The following LFNG variants were observed in gnomAD, a reference collection of about 807,000 sequenced individuals.
The protein encoded by LFNG is beta-1,3-N-acetylglucosaminyltransferase lunatic fringe.
LFNG carries 15 observed loss-of-function variants against 32.7 expected under a neutral mutation model. The observed-to-expected ratio is 0.46, with a 90% CI of 0.31 to 0.71. The LOEUF is 0.71. Ranked by LOEUF, LFNG falls within the 30% of genes least tolerant of loss-of-function variation. The pLI is 0.06. For synonymous variants in LFNG, 274 were observed against 246.8 expected, an observed-to-expected ratio of 1.11 and a Z score of -1.03; for missense variants, 520 against 545.7, an observed-to-expected ratio of 0.95 and a Z score of 0.47.
At chr7:2,525,161 C>T (rs1389072914) in intron 2 of LFNG, 58 bp from the exon 3 acceptor site, 1 of 1,475,660 alleles carries the variant, frequency 6.8e-7, no homozygotes, top group Non-Finnish European at 9.4e-7. Flanking sequence ...GTCCCCCAGG[C>T]CAGGCCCCTC....
chr7:2,514,567 CATCT>C (rs1262431673), upstream of LFNG, among the ~76,000 whole-genome samples: 153 of 151,736 alleles, frequency 1.0e-3, no homozygotes, highest in African/African-American at 3.5e-3. Context: ...TCCATCCATC[CATCT>C]ATCCATCCAT....
At chr7:2,519,588 G>A (rs1654102035), upstream of LFNG, among the ~76,000 whole-genome samples, 1 of 150,420 alleles carries the variant, frequency 6.6e-6, no homozygotes, top group African/African-American at 2.4e-5. Context: ...GTGCACGTGC[G>A]CGCCGGGGGC....
rs1002547136 is a variant in LFNG, at chr7:2,519,824, G to T, written c.-38G>T. 29 of 1,059,762 alleles carry T rather than the reference G, an allele frequency of 2.7e-5. No homozygotes were observed. In the African/African-American group the frequency reaches 4.6e-4, roughly 17 times the overall value. 65.6% of individuals were successfully genotyped at this position (1,059,762 alleles called of 1,614,324 possible). ...GGCTTCGGGTCGGTGCAAGGCAGGC[G>T]CACGGGGAAGGGCGCGCCGCGCGGC... is the stretch of plus-strand genomic sequence containing the variant. On this transcript the variant is annotated 5_prime_UTR_variant, in exon 1 of 8. Transcript: ENST00000222725.
At chr7:2,529,027 C>T, downstream of LFNG, 1 of 436,968 alleles carries the variant, frequency 2.3e-6, no homozygotes. The surrounding 1 kb of genome is among the most constrained non-coding windows in gnomAD (Gnocchi z 4.2). Flanking sequence ...GATGTGGCCC[C>T]AGGCCCCGAC....
chr7:2,515,043 CATCT>C (rs1779591016), upstream of LFNG, among the ~76,000 whole-genome samples: 1 of 60,102 alleles, frequency 1.7e-5, no homozygotes, highest in Non-Finnish European at 3.0e-5. Context: ...TCCATCCATC[CATCT>C]GTCCATCCAT....
At chr7:2,518,607 A>G, upstream of LFNG, 2 of 1,610,580 alleles carry the variant, frequency 1.2e-6, no homozygotes, top group Non-Finnish European at 1.7e-6. Flanking sequence ...AGGTAAGGAG[A>G]GGGGCTCCAA....
At chr7:2,518,521 C>T (rs1479711837), upstream of LFNG, 1 of 1,067,734 alleles carries the variant, frequency 9.4e-7, no homozygotes, top group East Asian at 2.4e-5. Context: ...TTTCAGAGCA[C>T]CTACTATGTC....
intron 1 of LFNG, chr7:2,512,729 A>T: frequency 6.2e-7 from 1 of 1,610,052 alleles, no homozygotes; most frequent in Non-Finnish European, 8.5e-7. Context: ...TTTTCCTCCT[A>T]GAATGCCACT....
chr7:2,528,495 G>A, downstream of LFNG: 1 of 899,770 alleles, frequency 1.1e-6, no homozygotes, highest in Non-Finnish European at 1.3e-6. Context: ...GTCAGGAGAG[G>A]CACACAGGTG....
At position 2,519,810 on chromosome 7, in the gene LFNG, G is replaced by T; in HGVS notation, c.-52G>T. 9 of 1,013,908 alleles carry T rather than the reference G, an allele frequency of 8.9e-6. No homozygotes were observed. The highest frequency in any genetic ancestry group is 1.1e-5 in the Non-Finnish European group (9 of 843,140). The allele number at this position is 1,013,908 out of a possible 1,614,324, so 62.8% of individuals were successfully genotyped here. ...CCGCCGGAGCGACGGGCTTCGGGTC[G>T]GTGCAAGGCAGGCGCACGGGGAAGG... On this transcript the variant is annotated 5_prime_UTR_variant, in exon 1 of 8. Coordinates refer to ENST00000222725, the MANE Select transcript of LFNG (RefSeq NM_001040167.2).
chr7:2,527,023 C>G lies in LFNG; in HGVS notation c.1073+102C>G, dbSNP rs774599173. On this transcript the variant is annotated intron_variant, in intron 7 of 7. Coordinates refer to ENST00000222725, the MANE Select transcript of LFNG (RefSeq NM_001040167.2). This position sits in a 1 kb window ranked among gnomAD's most constrained non-coding sequence, Gnocchi z 4.4. ...GGTCTCTCTAAGCGGCATGACTCTACATAGAGGTGTCCCCCGGAGTCCTGC... is the reference window on the plus strand; with the variant it reads ...GGTCTCTCTAAGCGGCATGACTCTAGATAGAGGTGTCCCCCGGAGTCCTGC... 1.4e-6 allele frequency: 2 copies of G among 1,414,894 alleles called. No homozygotes were observed. The highest frequency in any genetic ancestry group is 2.0e-6 in the Non-Finnish European group (2 of 1,011,302). The allele number at this position is 1,414,894 out of a possible 1,614,324, so 87.6% of individuals were successfully genotyped here.
Position 2,526,423 on chromosome 7 carries a change from C to T in LFNG, c.987+14C>T, listed in dbSNP as rs1293822604. 1.7e-5 allele frequency: 28 copies of T among 1,604,296 alleles called. No homozygotes were observed. The highest frequency in any genetic ancestry group is 2.2e-5 in the East Asian group (1 of 44,878). On this transcript the variant is annotated intron_variant, in intron 6 of 7. Transcript: ENST00000222725. The surrounding 1 kb of genome is among the most constrained non-coding windows in gnomAD (Gnocchi z 6.9). The stretch of plus-strand genomic sequence containing the variant: ...CTCCACGAGCAGGTGCACCATCCTC[C>T]GGGCCCCGCCAGGACTCCGAGAGCA...
intron 1 of LFNG, among the ~76,000 whole-genome samples, chr7:2,521,342 C>T (rs978255636): frequency 3.6e-5 from 5 of 139,150 alleles, no homozygotes; most frequent in Admixed American, 7.1e-5. Context: ...CGGGAGGGGG[C>T]GGCGGGGGCC....
chr7:2,519,432 C>T (rs1449665682), upstream of LFNG, among the ~76,000 whole-genome samples: 3 of 152,034 alleles, frequency 2.0e-5, no homozygotes, highest in Non-Finnish European at 2.9e-5. Flanking sequence ...GAGGGCGCGC[C>T]CCTCCCGTGC....
chr7:2,513,991 C>T (rs750939851), upstream of LFNG, among the ~76,000 whole-genome samples: 1 of 152,256 alleles, frequency 6.6e-6, no homozygotes, highest in Non-Finnish European at 1.5e-5. Context: ...AAGGGTGTGC[C>T]ACCTCTTCTT....
At chr7:2,515,975 A>C (rs1779618495), upstream of LFNG, among the ~76,000 whole-genome samples, 2 of 152,168 alleles carry the variant, frequency 1.3e-5, no homozygotes. Context: ...CCTTCCTGCC[A>C]CCAAGGGCTG....
At chr7:2,516,970 C>G (rs1021030064), upstream of LFNG, among the ~76,000 whole-genome samples, 1 of 152,062 alleles carries the variant, frequency 6.6e-6, no homozygotes, top group Admixed American at 6.5e-5. Flanking sequence ...CCCTCTTCCC[C>G]AGGACCCTAC....
At chr7:2,524,672 G>T (rs768615365) in intron 1 of LFNG, 23 bp from the exon 2 acceptor site, 1 of 1,572,572 alleles carries the variant, frequency 6.4e-7, no homozygotes, top group African/African-American at 1.3e-5. Context: ...GCTGCCTGCT[G>T]AAGGCCGATT....
chr7:2,519,942 C>T lies in LFNG; in HGVS notation c.81C>T (p.Asp27=). 1 of 1,018,094 alleles carries T rather than the reference C, an allele frequency of 9.8e-7. No individual in the cohort carries two copies. 63.1% of individuals were successfully genotyped at this position (1,018,094 alleles called of 1,614,324 possible). Residue 27 remains aspartate, a synonymous_variant, in exon 1 of 8, where the codon GAC becomes GAT. Transcript: ENST00000222725. The part of the protein sequence containing the change: ...LLACLLVLTA[D]PPPPPLPAER... Reference sequence around the variant, plus strand: ...CCTGCCTGCTGGTGCTCACCGCCGACCCGCCGCCGCCTCCACTGCCCGCCG... The same window carrying T: ...CCTGCCTGCTGGTGCTCACCGCCGATCCGCCGCCGCCTCCACTGCCCGCCG...
Sources: allele counts gnomAD v4.1 joint callset (sites outside exome capture counted in the v4.1 genomes callset), GRCh38; gene constraint gnomAD v4.1.1; non-coding constraint Gnocchi (gnomAD v3.1); transcripts MANE v1.5; gene names NCBI Gene and HGNC (gene_info 2026-07-23, HGNC 2026-07-21).